GRIK3: variants seen among roughly 807,000 people sequenced by gnomAD.
The protein encoded by GRIK3 is glutamate receptor ionotropic, kainate 3.
A neutral mutation model predicts 102.5 loss-of-function variants in GRIK3; 29 were observed. The observed-to-expected ratio is 0.28, with a 90% CI of 0.21 to 0.39. GRIK3 has a LOEUF of 0.39. Ranked by LOEUF, GRIK3 falls within the 10% of genes least tolerant of loss-of-function variation. The pLI, the probability that GRIK3 is intolerant of heterozygous loss-of-function variation, is 1.00. For missense variants in GRIK3, 908 were observed against 1,252.4 expected (o/e 0.73, Z 4.15); for synonymous variants, 511 against 504.9 (o/e 1.01, Z -0.16).
intron 9 of GRIK3, among the ~76,000 whole-genome samples, chr1:36,844,287 C>T (rs1201135342): frequency 6.6e-6 from 1 of 152,234 alleles, no homozygotes; most frequent in African/African-American, 2.4e-5. Flanking sequence ...CATGCTTAAT[C>T]TCAGTGCCTC....
At chr1:36,963,957 G>A (rs1388025523) in intron 1 of GRIK3, among the ~76,000 whole-genome samples, 1 of 152,230 alleles carries the variant, frequency 6.6e-6, no homozygotes, top group Non-Finnish European at 1.5e-5. Flanking sequence ...TGAGGATGAA[G>A]AGACAGGGTT....
At position 37,032,339 on chromosome 1, in the gene GRIK3, C is replaced by A. The variant is rs947319233; in HGVS notation, c.115+1655G>T. 2.0e-5 allele frequency among the ~76,000 whole-genome samples: 3 copies of A among 152,122 alleles called. No homozygotes were observed. In the East Asian group the frequency reaches 5.8e-4, roughly 29 times the overall value. On this transcript the variant is annotated intron_variant, in intron 1 of 15. Coordinates refer to ENST00000373091, the MANE Select transcript of GRIK3 (RefSeq NM_000831.4). Reference sequence around the variant, plus strand: ...CATCCCACCCCTGTGGAAGAAGGATCAAGGAAAAGGGAACTGCAATCCGTG... The same window carrying A: ...CATCCCACCCCTGTGGAAGAAGGATAAAGGAAAAGGGAACTGCAATCCGTG...
rs931799092 is a variant in GRIK3 at position 36,812,455 on chromosome 1, C to T, written c.2091+4605G>A. Among the ~76,000 whole-genome samples the T allele has an allele frequency of 3.3e-5, 5 of 152,224 alleles. No homozygotes were observed. In the South Asian group the frequency reaches 6.2e-4, roughly 19 times the overall value. On this transcript the variant is annotated intron_variant, in intron 13 of 15. Transcript: ENST00000373091. ...GCTGTGCAGCCCTCCCTGCAAAGAA[C>T]ACGCTTTCCCAACGTTCTCCTTTAC... is the stretch of plus-strand genomic sequence containing the variant.
intron 1 of GRIK3, among the ~76,000 whole-genome samples, chr1:36,998,104 C>T (rs1281303419): frequency 6.6e-6 from 1 of 152,194 alleles, no homozygotes; most frequent in African/African-American, 2.4e-5. Flanking sequence ...TGTCCAGGCT[C>T]ATCTTATAGG....
intron 1 of GRIK3, among the ~76,000 whole-genome samples, chr1:36,970,930 T>C (rs1243729854): frequency 6.6e-6 from 1 of 152,192 alleles, no homozygotes; most frequent in African/African-American, 2.4e-5. Flanking sequence ...ATTGGGCCAG[T>C]CCAGTAGGAA....
At chr1:36,825,956 T>A in intron 10 of GRIK3, 130 bp from the exon 11 acceptor site, 1 of 636,556 alleles carries the variant, frequency 1.6e-6, no homozygotes, top group East Asian at 2.8e-5. Context: ...TAACCGCTCT[T>A]CTGTTTCCAC....
intron 1 of GRIK3, among the ~76,000 whole-genome samples, chr1:36,980,574 C>T (rs563617194): frequency 6.6e-6 from 1 of 152,026 alleles, no homozygotes; most frequent in Admixed American, 6.5e-5. Flanking sequence ...CGCCCCCCAC[C>T]CCACACCCAG....
intron 1 of GRIK3, among the ~76,000 whole-genome samples, chr1:36,987,015 C>CTTAGG (rs1642313827): frequency 6.6e-6 from 1 of 152,192 alleles, no homozygotes. Context: ...CTAGCACATC[C>CTTAGG]ATTTAGGGGA....
intron 12 of GRIK3, among the ~76,000 whole-genome samples, chr1:36,818,077 A>C (rs959901863): frequency 6.6e-6 from 1 of 152,194 alleles, no homozygotes; most frequent in Non-Finnish European, 1.5e-5. Context: ...ACTTTCCAGA[A>C]TATTTGGACC....
chr1:36,842,386 G>A (rs905973809), intron 9 of GRIK3, among the ~76,000 whole-genome samples: 2 of 152,230 alleles, frequency 1.3e-5, no homozygotes, highest in Non-Finnish European at 2.9e-5. Context: ...ACTCTGGGGA[G>A]AGCCCAGCGA....
chr1:37,029,762 TA>T (rs1446585210), intron 1 of GRIK3, among the ~76,000 whole-genome samples: 1 of 152,192 alleles, frequency 6.6e-6, no homozygotes, highest in Non-Finnish European at 1.5e-5. Flanking sequence ...CAAAGGATCC[TA>T]AAAGCCACTA....
At chr1:37,010,727 CTTTTTT>C (rs60750637) in intron 1 of GRIK3, among the ~76,000 whole-genome samples, 49 of 102,524 alleles carry the variant, frequency 4.8e-4, no homozygotes, top group African/African-American at 8.5e-4. Context: ...ACCTGTACCA[CTTTTTT>C]TTTTTTTTTT....
At chr1:36,860,799 A>G (rs913466371) in intron 5 of GRIK3, among the ~76,000 whole-genome samples, 1 of 152,226 alleles carries the variant, frequency 6.6e-6, no homozygotes, top group African/African-American at 2.4e-5. Flanking sequence ...GGAGTGAGGA[A>G]CAAAGCTGAG....
intron 14 of GRIK3, among the ~76,000 whole-genome samples, chr1:36,805,743 C>T (rs558250209): frequency 6.6e-6 from 1 of 151,822 alleles, no homozygotes; most frequent in Non-Finnish European, 1.5e-5. Context: ...TCGAGACCAG[C>T]CTGACCAACA....
intron 13 of GRIK3, among the ~76,000 whole-genome samples, chr1:36,816,058 T>C (rs1642623016): frequency 6.6e-6 from 1 of 152,154 alleles, no homozygotes; most frequent in South Asian, 2.1e-4. Flanking sequence ...CTGCAAGCTG[T>C]GTTTCAACAA....
At chr1:36,845,407 G>A (rs190734111) in intron 9 of GRIK3, among the ~76,000 whole-genome samples, 20 of 152,272 alleles carry the variant, frequency 1.3e-4, no homozygotes, top group Middle Eastern at 3.4e-3. Flanking sequence ...CTGACTTTCC[G>A]TTGTCAGGGC....
chr1:36,900,716 A>G (rs1641224640), intron 1 of GRIK3, among the ~76,000 whole-genome samples: 1 of 152,162 alleles, frequency 6.6e-6, no homozygotes, highest in Non-Finnish European at 1.5e-5. Flanking sequence ...TCTGAAATCA[A>G]TGAAACTGAA....
chr1:36,861,645 T>C (rs773546303), intron 5 of GRIK3, among the ~76,000 whole-genome samples: 8 of 152,236 alleles, frequency 5.3e-5, no homozygotes, highest in Non-Finnish European at 1.2e-4. Context: ...ATGTCTCTAA[T>C]GGGCACTAAA....
chr1:36,975,296 T>TTTTTTTTG (rs1642184266), intron 1 of GRIK3, among the ~76,000 whole-genome samples: 1 of 145,980 alleles, frequency 6.9e-6, no homozygotes, highest in African/African-American at 2.6e-5. Context: ...TGGTTTTTTT[T>TTTTTTTTG]TTTTTTTTTT....
Sources: gnomAD v4.1 joint callset for allele counts (sites outside exome capture counted in the v4.1 genomes callset) on GRCh38, gnomAD v4.1.1 for gene constraint, MANE v1.5 for transcripts, NCBI Gene and HGNC (gene_info 2026-07-23, HGNC 2026-07-21) for gene names.